Variants in CRIM1 observed in about 807,000 individuals in gnomAD.
CRIM1 encodes the protein cysteine-rich motor neuron 1 protein.
A neutral mutation model predicts 116.4 loss-of-function variants in CRIM1; 32 were observed. That is an observed-to-expected ratio of 0.27 (90% CI 0.21 to 0.37). CRIM1 has a LOEUF of 0.37. CRIM1 is among the 10% of genes least tolerant of loss of function. The pLI, the probability that CRIM1 is intolerant of heterozygous loss-of-function variation, is 1.00. For missense variants in CRIM1, 1,331 were observed against 1,354.8 expected, an observed-to-expected ratio of 0.98 and a Z score of 0.28; for synonymous variants, 590 against 509.2, an observed-to-expected ratio of 1.16 and a Z score of -2.13.
At chr2:36,454,218 C>T (rs1676964464) in intron 4 of CRIM1, among the ~76,000 whole-genome samples, 1 of 152,122 alleles carries the variant, frequency 6.6e-6, no homozygotes, top group Non-Finnish European at 1.5e-5. Context: ...GGTGGGCTAA[C>T]CTATTAGTTT....
In CRIM1 at chr2:36,517,360, C is replaced by T. The variant is rs1201132261; in HGVS notation, c.2024C>T (p.Thr675Ile). 32 of 1,614,054 alleles carry T rather than the reference C, an allele frequency of 2.0e-5. No homozygotes were observed. The highest frequency in any genetic ancestry group is 2.6e-5 in the Non-Finnish European group (31 of 1,180,026). The change falls in exon 12 of 17, where the codon ACT becomes ATT. Residue 675 changes from threonine to isoleucine, a missense_variant. Transcript: ENST00000280527. Reference sequence around the variant, plus strand: ...GTGGTGCAGAAGCCAGAGCTCAGTACTCCCTCCATTTGCCACGCCCCTGGA... The same window carrying T: ...GTGGTGCAGAAGCCAGAGCTCAGTATTCCCTCCATTTGCCACGCCCCTGGA... Reference protein sequence around the residue: ...DFVVQKPELSTPSICHAPGGE... With the variant: ...DFVVQKPELSIPSICHAPGGE...
chr2:36,529,863 A>G (rs1412094764), intron 13 of CRIM1, among the ~76,000 whole-genome samples: 4 of 152,160 alleles, frequency 2.6e-5, no homozygotes. Context: ...TTCCTACCCT[A>G]AGAAATAAAT....
In CRIM1 at chr2:36,400,916, A is replaced by G. The variant is rs7340361; in HGVS notation, c.505+4129A>G. On this transcript the variant is annotated intron_variant, in intron 2 of 16. Transcript: ENST00000280527. ...TTACAGGAAGGTGAATAGTCTAGTT[A>G]AAGCCTCCTTTTAGGGACTCTTCTT... 3.0e-3 allele frequency among the ~76,000 whole-genome samples: 457 copies of G among 152,170 alleles called. 5 individuals carry two copies. The highest frequency in any genetic ancestry group is 0.01 in the African/African-American group (434 of 41,500).
rs1359343621 is a variant in CRIM1 at position 36,522,328 on chromosome 2, A to T, written c.2428+15A>T. ...CTACTGCATAGGTAAGACCAAGGAA[A>T]AAAAAATCCCTCATCTCTACCAGTT... On this transcript the variant is annotated intron_variant, in intron 13 of 16. Transcript: ENST00000280527. 1 of 1,583,194 alleles carries T rather than the reference A, an allele frequency of 6.3e-7. No individual in the cohort carries two copies. Among genetic ancestry groups the T allele is most frequent in the South Asian group, 1.1e-5 (1 of 90,370 alleles).
chr2:36,521,972 G>A (rs1474375358), intron 12 of CRIM1, 120 bp from the exon 13 acceptor site: 5 of 742,318 alleles, frequency 6.7e-6, no homozygotes, highest in East Asian at 2.5e-5. Context: ...TTGTTACTGC[G>A]TCATGTATTT....
chr2:36,380,774 A>G (rs1043971038), intron 1 of CRIM1, among the ~76,000 whole-genome samples: 1 of 152,224 alleles, frequency 6.6e-6, no homozygotes, highest in Non-Finnish European at 1.5e-5. Context: ...GACTGTTGCC[A>G]CACCAGGAAT....
intron 13 of CRIM1, among the ~76,000 whole-genome samples, chr2:36,525,996 T>G (rs536099272): frequency 6.6e-6 from 1 of 152,348 alleles, no homozygotes; most frequent in East Asian, 1.9e-4. Flanking sequence ...CCTCATATTA[T>G]GTGTGCTAAT....
At chr2:36,431,091 T>A (rs1049273485) in intron 2 of CRIM1, among the ~76,000 whole-genome samples, 5 of 148,316 alleles carry the variant, frequency 3.4e-5, no homozygotes, top group Non-Finnish European at 7.4e-5. Context: ...TGCCTATGAG[T>A]GTGTGTCTGT....
At chr2:36,410,782 A>G (rs1468242794) in intron 2 of CRIM1, among the ~76,000 whole-genome samples, 2 of 152,110 alleles carry the variant, frequency 1.3e-5, no homozygotes, top group African/African-American at 4.8e-5. Context: ...TTTTATAAAT[A>G]TCAGAGTTGT....
Position 36,476,938 on chromosome 2 carries a change from C to T in CRIM1, c.1041C>T (p.Asp347=). The T allele has an allele frequency of 6.2e-7, 1 of 1,614,054 alleles. No homozygotes were observed. The highest frequency in any genetic ancestry group is 1.1e-5 in the South Asian group (1 of 91,078). ...ACAATGTGGAATATTATGATGGAGA[C>T]ATGTTTCGAATGGACAACTGTCGGT... ...VFNNVEYYDG[D]MFRMDNCRFC... is the part of the protein sequence containing the mutation. The change falls in exon 6 of 17, where the codon GAC becomes GAT. Residue 347 remains aspartate, a synonymous_variant. Transcript: ENST00000280527.
At chr2:36,538,738 C>A (rs1219647719) in intron 14 of CRIM1, among the ~76,000 whole-genome samples, 1 of 152,064 alleles carries the variant, frequency 6.6e-6, no homozygotes. Context: ...CAGTTGGGTT[C>A]TCTTTATAGT....
At chr2:36,446,624 A>G (rs959804295) in intron 4 of CRIM1, among the ~76,000 whole-genome samples, 4 of 152,114 alleles carry the variant, frequency 2.6e-5, no homozygotes, top group African/African-American at 9.7e-5. Flanking sequence ...ATTTTTAACC[A>G]TTATTTGATT....
chr2:36,530,574 G>A (rs1344907631), intron 13 of CRIM1, among the ~76,000 whole-genome samples: 2 of 152,172 alleles, frequency 1.3e-5, no homozygotes, highest in Non-Finnish European at 2.9e-5. Context: ...TTGTGGCTTA[G>A]AGAGTGCTGT....
At chr2:36,545,697 T>C (rs1472021295) in intron 15 of CRIM1, among the ~76,000 whole-genome samples, 1 of 152,186 alleles carries the variant, frequency 6.6e-6, no homozygotes, top group Non-Finnish European at 1.5e-5. Context: ...ACTGGAAGAC[T>C]GAATTTTGTA....
rs563602661 is a variant in CRIM1, at chr2:36,510,216, G to A, written c.1658+77G>A. On this transcript the variant is annotated intron_variant, in intron 9 of 16. Transcript: ENST00000280527. The stretch of plus-strand genomic sequence containing the variant: ...TGTTTCTACACATTTTGTTTTATAT[G>A]TTGTTTGTGAATTAATCTATGGTAT... The A allele has an allele frequency of 1.3e-5, 18 of 1,416,446 alleles. No individual in the cohort carries two copies. In the African/African-American group the frequency reaches 1.8e-4, roughly 14 times the overall value. 87.7% of individuals were successfully genotyped at this position (1,416,446 alleles called of 1,614,324 possible). A position where few individuals can be genotyped will look rare whatever the true frequency, so the allele number is the denominator to read the frequency against.
intron 6 of CRIM1, 147 bp from the exon 7 acceptor site, chr2:36,479,350 C>A: frequency 1.4e-6 from 1 of 702,932 alleles, no homozygotes; most frequent in South Asian, 1.8e-5. Context: ...CCCCCAGAGA[C>A]TCCTCATGCA....
At chr2:36,531,752 G>A (rs771420025) in intron 13 of CRIM1, 2 of 361,790 alleles carry the variant, frequency 5.5e-6, no homozygotes, top group Non-Finnish European at 1.1e-5. Flanking sequence ...AACCAGAATT[G>A]AGGGAAAATA....
chr2:36,544,741 GACGGAAATAA>G (rs1334424186), intron 15 of CRIM1, among the ~76,000 whole-genome samples: 5 of 152,160 alleles, frequency 3.3e-5, no homozygotes, highest in African/African-American at 1.2e-4. Context: ...ACTTTGTGAT[GACGGAAATAA>G]ATGGAAATAA....
intron 2 of CRIM1, among the ~76,000 whole-genome samples, chr2:36,423,950 C>G (rs921284542): frequency 6.6e-6 from 1 of 151,924 alleles, no homozygotes; most frequent in African/African-American, 2.4e-5. Flanking sequence ...AGTGGTAGAA[C>G]AAACTAGGCA....
Sources: allele counts gnomAD v4.1 joint callset (sites outside exome capture counted in the v4.1 genomes callset), GRCh38; gene constraint gnomAD v4.1.1; transcripts MANE v1.5; gene names NCBI Gene and HGNC (gene_info 2026-07-23, HGNC 2026-07-21).